The following LAMC1 variants were observed in gnomAD, a reference collection of about 807,000 sequenced individuals.
The protein encoded by LAMC1 is laminin subunit gamma 1, also known as laminin subunit gamma-1.
LAMC1 carries 38 observed loss-of-function variants against 173.6 expected under a neutral mutation model. The ratio of observed to expected loss-of-function variants is 0.22; its 90% CI spans 0.17 to 0.29. LAMC1 has a LOEUF of 0.29. LAMC1 is among the 10% of genes least tolerant of loss of function. LAMC1 has a pLI of 1.00. For synonymous variants in LAMC1, 746 were observed against 749.1 expected (o/e 1.00, Z 0.07); for missense variants, 1,824 against 2,051.8 (o/e 0.89, Z 2.14).
At chr1:183,034,862 G>C (rs1160732160) in intron 1 of LAMC1, among the ~76,000 whole-genome samples, 3 of 152,186 alleles carry the variant, frequency 2.0e-5, no homozygotes, top group Non-Finnish European at 4.4e-5. Context: ...AGTGCCTCCT[G>C]GTTACCTCTT....
intron 4 of LAMC1, among the ~76,000 whole-genome samples, chr1:183,114,196 A>G (rs1235184290): frequency 6.6e-6 from 1 of 152,106 alleles, no homozygotes; most frequent in African/African-American, 2.4e-5. Context: ...CAGCCTACCA[A>G]GTGGCTGGGA....
chr1:183,034,352 C>T (rs765915784), intron 1 of LAMC1, among the ~76,000 whole-genome samples: 3 of 152,154 alleles, frequency 2.0e-5, no homozygotes, highest in South Asian at 2.1e-4. Context: ...CTCACTGCAA[C>T]CTCCGCCTCC....
chr1:183,051,335 C>A (rs939813983), intron 1 of LAMC1, among the ~76,000 whole-genome samples: 3 of 152,208 alleles, frequency 2.0e-5, no homozygotes, highest in Non-Finnish European at 4.4e-5. Context: ...CCATATTTGA[C>A]AGGACATGAG....
chr1:183,132,392 C>G lies in LAMC1; in HGVS notation c.3567-8C>G, dbSNP rs768986272. 3 of 1,604,192 alleles carry G rather than the reference C, an allele frequency of 1.9e-6. No individual in the cohort carries two copies. The highest frequency in any genetic ancestry group is 2.6e-6 in the Non-Finnish European group (3 of 1,174,648). On this transcript the variant is annotated splice_region_variant and splice_polypyrimidine_tract_variant and intron_variant, in intron 20 of 27. Transcript: ENST00000258341. Reference sequence around the variant, plus strand: ...TTTCATGGCTTATTTTTTGTTTTATCTGTATAGTCATAAACAGGAAGCTGA... The same window carrying G: ...TTTCATGGCTTATTTTTTGTTTTATGTGTATAGTCATAAACAGGAAGCTGA...
chr1:183,038,801 A>T (rs1008809026), intron 1 of LAMC1, among the ~76,000 whole-genome samples: 3 of 152,220 alleles, frequency 2.0e-5, no homozygotes, highest in Non-Finnish European at 4.4e-5. Context: ...AAATGGTTAG[A>T]TCAAGATTTG....
Position 183,023,499 on chromosome 1 carries a change from G to T in LAMC1, c.-218G>T, listed in dbSNP as rs539730630. On this transcript the variant is annotated 5_prime_UTR_variant, in exon 1 of 28. Coordinates refer to ENST00000258341, the MANE Select transcript of LAMC1 (RefSeq NM_002293.4). ...CGGGGTAGGTGAGGGAAGCGCGGAGGCGGCGCGCGGGGGCAGTGGTCGGCG... is the reference window on the plus strand; with the variant it reads ...CGGGGTAGGTGAGGGAAGCGCGGAGTCGGCGCGCGGGGGCAGTGGTCGGCG... 92 of 232,038 alleles carry T rather than the reference G, an allele frequency of 4.0e-4. 2 individuals carry two copies. The South Asian group carries it at 0.015, about 38-fold the overall frequency. 14.4% of individuals were successfully genotyped at this position (232,038 alleles called of 1,614,324 possible).
rs1395161927 is a variant in LAMC1 at position 183,143,013 on chromosome 1, C to T, written c.*223C>T. 4 of 490,718 alleles carry T rather than the reference C, an allele frequency of 8.2e-6. No individual in the cohort carries two copies. Among genetic ancestry groups the T allele is most frequent in the Non-Finnish European group, 1.4e-5 (4 of 276,298 alleles). 30.4% of individuals were successfully genotyped at this position (490,718 alleles called of 1,614,324 possible). On this transcript the variant is annotated 3_prime_UTR_variant, in exon 28 of 28. Transcript: ENST00000258341. Reference sequence around the variant, plus strand: ...TCTAATAAAGTGTCTCTTCCATTCACGTTGCTACCTTACCCACACTTTCCC... The same window carrying T: ...TCTAATAAAGTGTCTCTTCCATTCATGTTGCTACCTTACCCACACTTTCCC...
chr1:183,045,177 G>A (rs1654236286), intron 1 of LAMC1, among the ~76,000 whole-genome samples: 2 of 150,120 alleles, frequency 1.3e-5, no homozygotes. Flanking sequence ...TGATTAGTAT[G>A]AATTATTGTT....
chr1:183,055,280 G>A (rs1019116200), intron 1 of LAMC1, among the ~76,000 whole-genome samples: 12 of 151,480 alleles, frequency 7.9e-5, no homozygotes, highest in South Asian at 6.4e-4. Context: ...ATGAGCCACC[G>A]CGCCCGGACA....
chr1:183,100,424 G>A (rs1655804782), intron 1 of LAMC1, among the ~76,000 whole-genome samples: 1 of 152,142 alleles, frequency 6.6e-6, no homozygotes, highest in African/African-American at 2.4e-5. Flanking sequence ...TCTGCTTCTT[G>A]TTTGCCTCAT....
chr1:183,080,070 C>G lies in LAMC1; in HGVS notation c.419-23258C>G, dbSNP rs546044353. Reference sequence around the variant, plus strand: ...ACTAGGCTGGCAACATGGTGAAACCCCATCTCTACTAAAAATACAAAAAAT... The same window carrying G: ...ACTAGGCTGGCAACATGGTGAAACCGCATCTCTACTAAAAATACAAAAAAT... On this transcript the variant is annotated intron_variant, in intron 1 of 27. Coordinates refer to ENST00000258341, the MANE Select transcript of LAMC1 (RefSeq NM_002293.4). Among the ~76,000 whole-genome samples the G allele has an allele frequency of 3.3e-5, 5 of 152,004 alleles. No individual in the cohort carries two copies. In the South Asian group the frequency reaches 1.0e-3, roughly 32 times the overall value.
intron 11 of LAMC1, among the ~76,000 whole-genome samples, chr1:183,119,340 C>T (rs916582051): frequency 3.9e-5 from 6 of 152,064 alleles, no homozygotes; most frequent in African/African-American, 1.2e-4. Context: ...GAAATGCCTG[C>T]ATGAATATCC....
chr1:183,106,025 C>T lies in LAMC1; in HGVS notation c.724-2251C>T, dbSNP rs570623650. ...TTGATTTTCTACCTCAGTTAACCCTCACAGTAACCCTGTAAGGTAGATACT... is the reference window on the plus strand; with the variant it reads ...TTGATTTTCTACCTCAGTTAACCCTTACAGTAACCCTGTAAGGTAGATACT... On this transcript the variant is annotated intron_variant, in intron 2 of 27. Coordinates refer to ENST00000258341, the MANE Select transcript of LAMC1 (RefSeq NM_002293.4). Among the ~76,000 whole-genome samples, 107 of 152,340 alleles carry T rather than the reference C, an allele frequency of 7.0e-4. 1 individual carries two copies. Among genetic ancestry groups the T allele is most frequent in the Non-Finnish European group, 1.2e-3 (84 of 68,038 alleles).
rs371920436 is a variant in LAMC1, at chr1:183,124,809, T to C, written c.2580T>C (p.Tyr860=). The C allele has an allele frequency of 1.5e-5, 25 of 1,614,174 alleles. No individual in the cohort carries two copies. In the East Asian group the frequency reaches 4.2e-4, roughly 27 times the overall value. Residue 860 remains tyrosine (Y), a synonymous_variant, in exon 14 of 28, where the codon TAT becomes TAC. Coordinates refer to ENST00000258341, the MANE Select transcript of LAMC1 (RefSeq NM_002293.4). ...GCATCTATAACACTGCTGGCTTCTA[T>C]TGTGACCGGTGCAAAGACGGATTTT... is the stretch of plus-strand genomic sequence containing the variant. ...LKCIYNTAGF[Y]CDRCKDGFFG...
At chr1:183,079,393 T>G (rs1655209666) in intron 1 of LAMC1, among the ~76,000 whole-genome samples, 1 of 151,972 alleles carries the variant, frequency 6.6e-6, no homozygotes, top group African/African-American at 2.4e-5. Flanking sequence ...TAGCTGGGAC[T>G]GCAGGCACAT....
chr1:183,027,911 A>G (rs1408474585), intron 1 of LAMC1, among the ~76,000 whole-genome samples: 1 of 152,168 alleles, frequency 6.6e-6, no homozygotes, highest in Non-Finnish European at 1.5e-5. Flanking sequence ...GTGCACCCTG[A>G]GGGGACACTA....
intron 1 of LAMC1, among the ~76,000 whole-genome samples, chr1:183,053,079 T>G (rs777947218): frequency 8.5e-5 from 13 of 152,312 alleles, no homozygotes; most frequent in South Asian, 2.1e-4. Flanking sequence ...GAGGGAGAGA[T>G]CCGTCATTCT....
intron 1 of LAMC1, among the ~76,000 whole-genome samples, chr1:183,032,581 G>C (rs868055979): frequency 6.6e-6 from 1 of 151,978 alleles, no homozygotes; most frequent in Non-Finnish European, 1.5e-5. Flanking sequence ...GAAGTGCAGC[G>C]GTGCAGTCAG....
At chr1:183,033,080 TTTTG>T (rs1217800608) in intron 1 of LAMC1, among the ~76,000 whole-genome samples, 2 of 152,162 alleles carry the variant, frequency 1.3e-5, no homozygotes, top group Non-Finnish European at 2.9e-5. Flanking sequence ...ATATAGTTGA[TTTTG>T]TTTGTTTTTC....
Sources: gnomAD v4.1 joint callset for allele counts (sites outside exome capture counted in the v4.1 genomes callset) on GRCh38, gnomAD v4.1.1 for gene constraint, MANE v1.5 for transcripts, NCBI Gene and HGNC (gene_info 2026-07-23, HGNC 2026-07-21) for gene names.